The following AR variants were observed in gnomAD, a reference collection of about 807,000 sequenced individuals.
The protein encoded by AR is androgen receptor.
In AR, 8 loss-of-function variants were observed where a neutral mutation model predicts 53.9. The observed-to-expected ratio is 0.15, with a 90% CI of 0.09 to 0.27. The LOEUF is 0.27. Ranked by LOEUF, AR falls within the 10% of genes least tolerant of loss-of-function variation. AR has a pLI of 1.00. For missense variants in AR, 639 were observed against 742.5 expected, an observed-to-expected ratio of 0.86 and a Z score of 1.62; for synonymous variants, 359 against 316.4, an observed-to-expected ratio of 1.13 and a Z score of -1.43.
chrX:67,719,118 G>A (rs2076125442), intron 5 of AR, among the ~76,000 whole-genome samples: 2 of 111,499 alleles, frequency 1.8e-5, no homozygotes, highest in Admixed American at 1.9e-4. Context: ...CAATGCGAGG[G>A]AGAGTGAGCG....
intron 1 of AR, among the ~76,000 whole-genome samples, chrX:67,601,877 T>C (rs1923379992): frequency 1.8e-5 from 2 of 111,780 alleles, no homozygotes; most frequent in South Asian, 7.5e-4. Flanking sequence ...GATGTTGAAA[T>C]TGAAGCCCCC....
At chrX:67,687,215 A>G (rs754018702) in intron 3 of AR, among the ~76,000 whole-genome samples, 32 of 111,854 alleles carry the variant, frequency 2.9e-4, no homozygotes, top group Admixed American at 9.5e-5. Flanking sequence ...GAGGTGTTCA[A>G]TACCTTGTCT....
rs1276470755 is a variant in AR, at chrX:67,725,540, C to G, written c.*1699C>G. On this transcript the variant is annotated 3_prime_UTR_variant, in exon 8 of 8. Transcript: ENST00000374690. ...TCTTGTCACCCAGCATATCCACCTG[C>G]AGAAGTCATGAGAAGAGAGAAGGAA... 1 of 174,166 alleles carries G rather than the reference C, an allele frequency of 5.7e-6. No individual in the cohort carries two copies. Among genetic ancestry groups the G allele is most frequent in the African/African-American group, 3.0e-5 (1 of 33,791 alleles). The allele number at this position is 174,166 out of a possible 1,213,427, so 14.4% of individuals were successfully genotyped here. A position where few individuals can be genotyped will look rare whatever the true frequency, so the allele number is the denominator to read the frequency against.
chrX:67,584,224 A>T (rs1217733850), intron 1 of AR, among the ~76,000 whole-genome samples: 2 of 111,860 alleles, frequency 1.8e-5, no homozygotes, highest in Non-Finnish European at 3.8e-5. Context: ...CACTCTCCAC[A>T]TTCATTGACC....
Position 67,545,334 on chromosome X carries a change from A to T in AR, c.188A>T (p.Gln63Leu), listed in dbSNP as rs62636527. 9 of 1,069,007 alleles carry T rather than the reference A, an allele frequency of 8.4e-6. No homozygotes were observed. In the African/African-American group the frequency reaches 1.2e-4, roughly 14 times the overall value. The allele number at this position is 1,069,007 out of a possible 1,213,427, so 88.1% of individuals were successfully genotyped here. A position where few individuals can be genotyped will look rare whatever the true frequency, so the allele number is the denominator to read the frequency against. ...CTGCTGCTGCAGCAGCAGCAGCAGC[A>T]GCAGCAGCAGCAGCAGCAGCAGCAG... is the stretch of plus-strand genomic sequence containing the variant. ...SLLLLQQQQQQQQQQQQQQQQ... is the reference protein window; with the variant it reads ...SLLLLQQQQQLQQQQQQQQQQ... The change falls in exon 1 of 8, where the codon CAG (glutamine) becomes CTG (leucine). Residue 63 changes from glutamine (Q) to leucine (L), a missense_variant. Physicochemically the swap from Gln to Leu is moderately radical, Grantham distance 113. Coordinates refer to ENST00000374690, the MANE Select transcript of AR (RefSeq NM_000044.6).
intron 1 of AR, among the ~76,000 whole-genome samples, chrX:67,589,248 C>A (rs1211143965): frequency 5.0e-5 from 5 of 100,864 alleles, no homozygotes; most frequent in African/African-American, 1.9e-4. Flanking sequence ...CCGGCCTGGG[C>A]GACAGAGCGA....
At chrX:67,656,193 T>A (rs775444910) in intron 2 of AR, among the ~76,000 whole-genome samples, 12 of 111,521 alleles carry the variant, frequency 1.1e-4, no homozygotes, top group Non-Finnish European at 1.9e-4. Flanking sequence ...GTGAGTAGTT[T>A]TCACTCATTT....
intron 2 of AR, among the ~76,000 whole-genome samples, chrX:67,650,348 G>T (rs773813797): frequency 9.8e-5 from 11 of 111,939 alleles, no homozygotes; most frequent in Non-Finnish European, 1.9e-4. Context: ...TTTTTTATGT[G>T]CCTCTCCATA....
chrX:67,696,436 TG>T (rs1341875143), intron 3 of AR, among the ~76,000 whole-genome samples: 1 of 111,863 alleles, frequency 8.9e-6, no homozygotes. Flanking sequence ...AGAGGAGACT[TG>T]GAGACAGTTT....
chrX:67,554,798 T>C (rs1461575531), intron 1 of AR, among the ~76,000 whole-genome samples: 1 of 108,692 alleles, frequency 9.2e-6, no homozygotes, highest in Non-Finnish European at 1.9e-5. Flanking sequence ...TATCCAGGCG[T>C]TTTGGTGAGC....
At chrX:67,703,793 C>A (rs2076053158) in intron 3 of AR, among the ~76,000 whole-genome samples, 1 of 111,260 alleles carries the variant, frequency 9.0e-6, no homozygotes, top group South Asian at 3.8e-4. Flanking sequence ...TATCCCTCCA[C>A]CCTTCCCCAA....
chrX:67,671,231 C>T (rs974928635), intron 2 of AR, among the ~76,000 whole-genome samples: 6 of 111,855 alleles, frequency 5.4e-5, no homozygotes, highest in African/African-American at 1.3e-4. Flanking sequence ...AGTGTAAAAG[C>T]GTTCCTATTT....
intron 1 of AR, among the ~76,000 whole-genome samples, chrX:67,547,354 A>G (rs1394774705): frequency 9.0e-6 from 1 of 111,516 alleles, no homozygotes; most frequent in African/African-American, 3.3e-5. Flanking sequence ...GCAACTGGGG[A>G]CTTGCTCCAG....
chrX:67,663,040 C>T (rs1308465192), intron 2 of AR, among the ~76,000 whole-genome samples: 3 of 111,510 alleles, frequency 2.7e-5, no homozygotes, highest in Non-Finnish European at 5.6e-5. Flanking sequence ...GACGGGTTTC[C>T]TGAATACAGC....
chrX:67,589,399 C>T (rs988711147), intron 1 of AR, among the ~76,000 whole-genome samples: 2 of 112,314 alleles, frequency 1.8e-5, no homozygotes, highest in East Asian at 2.8e-4. Flanking sequence ...CTTTAGCTCA[C>T]GGCCTTACAG....
intron 1 of AR, among the ~76,000 whole-genome samples, chrX:67,554,668 G>A (rs1324027376): frequency 9.0e-6 from 1 of 111,517 alleles, no homozygotes; most frequent in Non-Finnish European, 1.9e-5. Flanking sequence ...GGGCATGGTG[G>A]CTCAATCCTG....
intron 6 of AR, 194 bp downstream of exon 6, chrX:67,722,157 AATTT>A (rs1220420954): frequency 1.2e-5 from 6 of 487,941 alleles, no homozygotes; most frequent in Non-Finnish European, 2.0e-5. Context: ...ACTAGAAGCC[AATTT>A]ATTTGCTAGA....
Position 67,546,400 on chromosome X carries a change from T to C in AR, c.1254T>C (p.Gly418=). Residue 418 remains glycine (G), a synonymous_variant, in exon 1 of 8, where the codon GGT becomes GGC. Transcript: ENST00000374690. ...YGDLASLHGA[G]AAGPGSGSPS... is the part of the protein sequence containing the mutation. ...ACCTGGCGAGCCTGCATGGCGCGGGTGCAGCGGGACCCGGTTCTGGGTCAC... is the reference window on the plus strand; with the variant it reads ...ACCTGGCGAGCCTGCATGGCGCGGGCGCAGCGGGACCCGGTTCTGGGTCAC... 8.4e-7 allele frequency: 1 copy of C among 1,183,884 alleles called. No individual in the cohort carries two copies. The highest frequency in any genetic ancestry group is 1.1e-6 in the Non-Finnish European group (1 of 882,450).
chrX:67,684,501 C>T (rs1252059055), intron 2 of AR, among the ~76,000 whole-genome samples: 2 of 110,965 alleles, frequency 1.8e-5, no homozygotes, highest in Non-Finnish European at 3.8e-5. Context: ...AGTCACTTCC[C>T]TGGAACTCCT....
Sources: allele counts gnomAD v4.1 joint callset (sites outside exome capture counted in the v4.1 genomes callset), GRCh38; gene constraint gnomAD v4.1.1; transcripts MANE v1.5; gene names NCBI Gene and HGNC (gene_info 2026-07-23, HGNC 2026-07-21).